Variants in DZIP3 observed in about 807,000 individuals in gnomAD.
DZIP3 encodes the protein E3 ubiquitin-protein ligase DZIP3.
In DZIP3, 118 loss-of-function variants were observed where a neutral mutation model predicts 162.0. That is an observed-to-expected ratio of 0.73 (90% CI 0.63 to 0.85). The LOEUF is 0.85. Ranked by LOEUF, DZIP3 falls within the 40% of genes least tolerant of loss-of-function variation. DZIP3 has a pLI of 0.00. For synonymous variants in DZIP3, 438 were observed against 458.6 expected, an observed-to-expected ratio of 0.96 and a Z score of 0.57; for missense variants, 1,331 against 1,407.0, an observed-to-expected ratio of 0.95 and a Z score of 0.86.
chr3:108,654,446 G>GT, intron 19 of DZIP3, 136 bp downstream of exon 19: 1 of 965,668 alleles, frequency 1.0e-6, no homozygotes, highest in Non-Finnish European at 1.6e-6. Flanking sequence ...AGCATAAAAG[G>GT]TAAGGAGGGA....
At chr3:108,635,014 C>G in intron 10 of DZIP3, 42 bp downstream of exon 10, 1 of 1,230,982 alleles carries the variant, frequency 8.1e-7, no homozygotes, top group Non-Finnish European at 1.2e-6. Context: ...ATTTCTTCCT[C>G]TACCCTTTCC....
intron 1 of DZIP3, among the ~76,000 whole-genome samples, chr3:108,595,590 C>T (rs1480444752): frequency 6.6e-6 from 1 of 152,074 alleles, no homozygotes; most frequent in Non-Finnish European, 1.5e-5. Flanking sequence ...AGAAATACAC[C>T]TGATGGAAGT....
chr3:108,648,318 C>T (rs1388725502), intron 16 of DZIP3: 1 of 440,306 alleles, frequency 2.3e-6, no homozygotes, highest in African/African-American at 2.0e-5. Flanking sequence ...ATTTTGCCAC[C>T]ATTTCTTAAA....
At chr3:108,684,113 T>TC (rs1034883055) in intron 26 of DZIP3, 103 bp from the exon 27 acceptor site, 63 of 1,313,672 alleles carry the variant, frequency 4.8e-5, no homozygotes, top group South Asian at 1.2e-4. Flanking sequence ...AAATGAGTGT[T>TC]CCCCCCGCCA....
intron 7 of DZIP3, 60 bp from the exon 8 acceptor site, chr3:108,629,002 G>T: frequency 9.8e-7 from 1 of 1,020,092 alleles, no homozygotes; most frequent in Non-Finnish European, 1.4e-6. Context: ...TTGTCTCATT[G>T]GTAAACCATG....
chr3:108,659,055 C>T (rs1943288139), intron 19 of DZIP3, among the ~76,000 whole-genome samples: 1 of 152,110 alleles, frequency 6.6e-6, no homozygotes, highest in South Asian at 2.1e-4. Context: ...CCGAATTCTA[C>T]CAGAGGTACA....
In DZIP3 at chr3:108,596,357, A is replaced by G. The variant is rs1939713110; in HGVS notation, c.-73+6518A>G. Among the ~76,000 whole-genome samples, 2 of 152,212 alleles carry G rather than the reference A, an allele frequency of 1.3e-5. 1 individual carries two copies. Among genetic ancestry groups the G allele is most frequent in the South Asian group, 4.1e-4 (2 of 4,830 alleles). Reference sequence around the variant, plus strand: ...GTAGGCTATCAAATTACTGGTAGTTAAAGGAGCGGTCAGGGTTGGAGATAG... The same window carrying G: ...GTAGGCTATCAAATTACTGGTAGTTGAAGGAGCGGTCAGGGTTGGAGATAG... On this transcript the variant is annotated intron_variant, in intron 1 of 32. Transcript: ENST00000361582.
intron 20 of DZIP3, 50 bp downstream of exon 20, chr3:108,662,022 A>G (rs929977516): frequency 1.6e-5 from 26 of 1,593,246 alleles, no homozygotes; most frequent in Non-Finnish European, 2.1e-5. Context: ...TATTTCAAAT[A>G]TTAAACTTAC....
At chr3:108,637,616 C>T (rs1031979769) in intron 12 of DZIP3, 68 bp downstream of exon 12, 1 of 1,352,068 alleles carries the variant, frequency 7.4e-7, no homozygotes, top group Non-Finnish European at 1.0e-6. Context: ...TTGCTTAATT[C>T]TTCTGTGTTT....
chr3:108,676,387 A>G (rs1162846357), intron 25 of DZIP3, among the ~76,000 whole-genome samples: 1 of 152,100 alleles, frequency 6.6e-6, no homozygotes, highest in East Asian at 1.9e-4. Context: ...TAAAAAAGAA[A>G]ATCAAGTAGG....
intron 4 of DZIP3, among the ~76,000 whole-genome samples, chr3:108,612,576 C>T (rs1031684658): frequency 7.2e-5 from 11 of 152,028 alleles, no homozygotes; most frequent in African/African-American, 2.2e-4. Flanking sequence ...AGGACACCCC[C>T]GGTACAAAAA....
chr3:108,652,093 G>A (rs866142197), intron 18 of DZIP3, among the ~76,000 whole-genome samples: 5 of 151,680 alleles, frequency 3.3e-5, no homozygotes, highest in Non-Finnish European at 5.9e-5. Flanking sequence ...TAAATATAGC[G>A]TAATAAAAAT....
rs78266876 is a variant in DZIP3 at position 108,604,947 on chromosome 3, T to C, written c.-72-388T>C. ...GAGTTTATCATGGAACTATTTATAATAGAAAAAAATGGGAAATTAAATGAC... is the reference window on the plus strand; with the variant it reads ...GAGTTTATCATGGAACTATTTATAACAGAAAAAAATGGGAAATTAAATGAC... On this transcript the variant is annotated intron_variant, in intron 1 of 32. Coordinates refer to ENST00000361582, the MANE Select transcript of DZIP3 (RefSeq NM_014648.4). 6.9e-3 allele frequency among the ~76,000 whole-genome samples: 1,041 copies of C among 151,842 alleles called. 5 individuals carry two copies. Among genetic ancestry groups the C allele is most frequent in the African/African-American group, 0.024 (980 of 41,206 alleles).
In DZIP3 at chr3:108,690,989, A is replaced by G. The variant is rs940581132; in HGVS notation, c.*6+86A>G. On this transcript the variant is annotated intron_variant, in intron 32 of 32. Transcript: ENST00000361582. ...GGTGTAAAACTATGTGCTCTTCAAT[A>G]TAGTGCTAAAGAAGCCAGCTAATTT... 6 of 1,117,058 alleles carry G rather than the reference A, an allele frequency of 5.4e-6. No individual in the cohort carries two copies. In the Admixed American group the frequency reaches 1.1e-4, roughly 21 times the overall value. The allele number at this position is 1,117,058 out of a possible 1,614,324, so 69.2% of individuals were successfully genotyped here.
intron 2 of DZIP3, among the ~76,000 whole-genome samples, chr3:108,607,596 T>G (rs1241370200): frequency 2.0e-5 from 3 of 152,194 alleles, no homozygotes; most frequent in Non-Finnish European, 4.4e-5. Flanking sequence ...AAGTGATCCC[T>G]TATTACTCAA....
intron 13 of DZIP3, among the ~76,000 whole-genome samples, chr3:108,643,393 A>T (rs1029823383): frequency 6.6e-6 from 1 of 152,062 alleles, no homozygotes; most frequent in Non-Finnish European, 1.5e-5. Flanking sequence ...GATGAGGTTT[A>T]TTAGATCACA....
At chr3:108,593,875 C>T (rs971931642) in intron 1 of DZIP3, among the ~76,000 whole-genome samples, 5 of 151,748 alleles carry the variant, frequency 3.3e-5, no homozygotes, top group South Asian at 2.1e-4. Flanking sequence ...ATGTTGCGCA[C>T]GCTGGTCTCG....
intron 14 of DZIP3, 21 bp from the exon 15 acceptor site, chr3:108,646,596 A>G (rs1559754697): frequency 3.8e-6 from 6 of 1,560,816 alleles, no homozygotes; most frequent in Non-Finnish European, 5.3e-6. Context: ...TACATCTAAA[A>G]TTTTTCTTTA....
intron 16 of DZIP3, 32 bp from the exon 17 acceptor site, chr3:108,648,886 A>G: frequency 9.2e-7 from 1 of 1,091,418 alleles, no homozygotes; most frequent in Non-Finnish European, 1.2e-6. Flanking sequence ...AATTTGAATT[A>G]CATATTTAAT....
Sources: allele counts gnomAD v4.1 joint callset (sites outside exome capture counted in the v4.1 genomes callset), GRCh38; gene constraint gnomAD v4.1.1; transcripts MANE v1.5; gene names NCBI Gene and HGNC (gene_info 2026-07-23, HGNC 2026-07-21).